SLMAP: variants seen among roughly 807,000 people sequenced by gnomAD.
SLMAP encodes sarcolemmal membrane-associated protein.
SLMAP carries 44 observed loss-of-function variants against 128.8 expected under a neutral mutation model. That is an observed-to-expected ratio of 0.34 (90% CI 0.27 to 0.44). The LOEUF (loss-of-function observed/expected upper bound fraction) is 0.44, where lower values mean the gene tolerates loss of function less well. SLMAP is among the 20% of genes least tolerant of loss of function. The probability of loss-of-function intolerance (pLI) is 1.00; values close to 1 mark genes in which losing one functional copy is unlikely to be tolerated. For synonymous variants in SLMAP, 327 were observed against 348.8 expected (o/e 0.94, Z 0.70); for missense variants, 787 against 985.3 (o/e 0.80, Z 2.69).
rs1377139108 is a variant in SLMAP at position 57,842,720 on chromosome 3, C to G, written c.419+1349C>G. On this transcript the variant is annotated intron_variant, in intron 4 of 24. Coordinates refer to ENST00000671191, the MANE Select transcript of SLMAP (RefSeq NM_001377540.1). ...TCCTTTGTGTTTCTCTAATTCTTTT[C>G]ATCTTTGCCCATTTTCTTCTCATTG... is the stretch of plus-strand genomic sequence containing the variant. 3.9e-5 allele frequency among the ~76,000 whole-genome samples: 6 copies of G among 152,126 alleles called. No homozygotes were observed. The East Asian group carries it at 1.2e-3, about 29-fold the overall frequency.
intron 2 of SLMAP, among the ~76,000 whole-genome samples, chr3:57,825,777 C>T (rs968232518): frequency 6.6e-6 from 1 of 152,124 alleles, no homozygotes; most frequent in Admixed American, 6.5e-5. Context: ...GGGTGTCCCA[C>T]GCTGGGAATG....
intron 2 of SLMAP, among the ~76,000 whole-genome samples, chr3:57,831,176 A>G (rs373883039): frequency 1.1e-3 from 174 of 152,296 alleles, no homozygotes; most frequent in African/African-American, 3.9e-3. Context: ...GTACCGTTTT[A>G]TGTAGCTGAA....
chr3:57,866,191 G>A (rs1360606756), intron 13 of SLMAP, among the ~76,000 whole-genome samples: 2 of 152,160 alleles, frequency 1.3e-5, no homozygotes, highest in Admixed American at 1.3e-4. Context: ...AGGGTCAGCT[G>A]AGCCCAGGAG....
At chr3:57,855,658 T>G (rs534810146) in intron 6 of SLMAP, among the ~76,000 whole-genome samples, 126 of 144,420 alleles carry the variant, frequency 8.7e-4, no homozygotes, top group Non-Finnish European at 1.6e-3. Context: ...GGGAGGATCT[T>G]TGAGACCAGG....
chr3:57,788,674 C>G (rs1234695351), intron 2 of SLMAP, among the ~76,000 whole-genome samples: 3 of 152,176 alleles, frequency 2.0e-5, no homozygotes, highest in Non-Finnish European at 4.4e-5. Flanking sequence ...TTGTGAAGTA[C>G]AAAGCAGGGG....
chr3:57,833,294 T>G (rs1162912335), intron 3 of SLMAP, among the ~76,000 whole-genome samples: 2 of 152,226 alleles, frequency 1.3e-5, no homozygotes, highest in Non-Finnish European at 2.9e-5. Context: ...CCAAACTCCT[T>G]TCCACTGTTT....
intron 5 of SLMAP, among the ~76,000 whole-genome samples, chr3:57,848,221 T>G (rs1352890754): frequency 2.7e-5 from 4 of 150,032 alleles, no homozygotes; most frequent in Non-Finnish European, 5.9e-5. Flanking sequence ...TCTTTCCTCC[T>G]TTTCCTCCTT....
intron 6 of SLMAP, among the ~76,000 whole-genome samples, chr3:57,850,661 T>G (rs980544910): frequency 6.6e-6 from 1 of 152,076 alleles, no homozygotes; most frequent in Admixed American, 6.6e-5. Context: ...TGAGATGGAG[T>G]CTCACTCTGT....
intron 2 of SLMAP, among the ~76,000 whole-genome samples, chr3:57,807,367 G>A (rs536384453): frequency 3.3e-5 from 5 of 152,236 alleles, no homozygotes; most frequent in African/African-American, 1.2e-4. Context: ...TTCTTGTCTT[G>A]TGCTGGTTTT....
At chr3:57,798,142 A>G (rs1301092274) in intron 2 of SLMAP, among the ~76,000 whole-genome samples, 2 of 152,198 alleles carry the variant, frequency 1.3e-5, no homozygotes, top group Non-Finnish European at 2.9e-5. Context: ...CTCCTTTCTA[A>G]GCAGTCATTT....
intron 4 of SLMAP, among the ~76,000 whole-genome samples, chr3:57,842,980 G>C (rs1326036087): frequency 6.6e-6 from 1 of 152,122 alleles, no homozygotes; most frequent in South Asian, 2.1e-4. Context: ...GATGATGATA[G>C]TACCTATTTA....
At chr3:57,840,777 G>T (rs140616518) in intron 3 of SLMAP, among the ~76,000 whole-genome samples, 96 of 152,292 alleles carry the variant, frequency 6.3e-4, no homozygotes, top group African/African-American at 2.0e-3. Flanking sequence ...TAATAGCAGA[G>T]AATTGTGGAA....
chr3:57,797,006 C>T (rs2086884142), intron 2 of SLMAP, among the ~76,000 whole-genome samples: 1 of 150,172 alleles, frequency 6.7e-6, no homozygotes, highest in Admixed American at 6.7e-5. Flanking sequence ...TAGTAGGACC[C>T]CCGTCTCTAT....
intron 6 of SLMAP, among the ~76,000 whole-genome samples, chr3:57,855,239 A>C (rs1023394075): frequency 2.0e-5 from 3 of 151,972 alleles, no homozygotes; most frequent in Non-Finnish European, 2.9e-5. Context: ...TTAGCTGGGC[A>C]TGGTGGCACA....
At chr3:57,853,717 G>T (rs886977267) in intron 6 of SLMAP, among the ~76,000 whole-genome samples, 2 of 151,366 alleles carry the variant, frequency 1.3e-5, no homozygotes, top group Non-Finnish European at 2.9e-5. Context: ...AAGGCGGGCG[G>T]ATCACCTGTG....
intron 17 of SLMAP, chr3:57,900,461 C>G (rs1034662459): frequency 2.6e-5 from 4 of 152,176 alleles, no homozygotes; most frequent in Non-Finnish European, 5.9e-5. Flanking sequence ...CAAATCATGT[C>G]TGTTGCAAAT....
chr3:57,896,348 A>G, intron 15 of SLMAP, 163 bp from the exon 16 acceptor site: 1 of 1,369,322 alleles, frequency 7.3e-7, no homozygotes, highest in Non-Finnish European at 9.4e-7. Flanking sequence ...CCAGCATTCC[A>G]TTTTGGACAA....
At chr3:57,789,113 G>A (rs1358382539) in intron 2 of SLMAP, among the ~76,000 whole-genome samples, 2 of 152,174 alleles carry the variant, frequency 1.3e-5, no homozygotes, top group Non-Finnish European at 2.9e-5. Flanking sequence ...TCTCAATAGA[G>A]TTATGTGTAA....
At chr3:57,923,519 G>C (rs2096952151) in intron 23 of SLMAP, among the ~76,000 whole-genome samples, 1 of 152,152 alleles carries the variant, frequency 6.6e-6, no homozygotes, top group Admixed American at 6.5e-5. Context: ...GTAGGGCTGT[G>C]AGAGAGAGAG....
Sources: allele counts gnomAD v4.1 joint callset (sites outside exome capture counted in the v4.1 genomes callset), GRCh38; gene constraint gnomAD v4.1.1; transcripts MANE v1.5; gene names NCBI Gene and HGNC (gene_info 2026-07-23, HGNC 2026-07-21).